The following FHIT variants were observed in gnomAD, a reference collection of about 807,000 sequenced individuals.
The protein encoded by FHIT is bis(5'-adenosyl)-triphosphatase.
A neutral mutation model predicts 17.9 loss-of-function variants in FHIT; 19 were observed. That is an observed-to-expected ratio of 1.06 (90% CI 0.74 to 1.56). The LOEUF is 1.56. Among genes scored for constraint, FHIT ranks in the 40% most tolerant of loss-of-function variants. FHIT has a pLI of 0.00. For synonymous variants in FHIT, 81 were observed against 69.7 expected, an observed-to-expected ratio of 1.16 and a Z score of -0.81; for missense variants, 248 against 189.2, an observed-to-expected ratio of 1.31 and a Z score of -1.82.
At chr3:60,479,715 G>C (rs147875037) in intron 5 of FHIT, among the ~76,000 whole-genome samples, 1 of 152,106 alleles carries the variant, frequency 6.6e-6, no homozygotes, top group Admixed American at 6.5e-5. Context: ...GATCAGAGTC[G>C]GTATTAGATT....
At chr3:59,925,223 C>T (rs554639134) in intron 7 of FHIT, among the ~76,000 whole-genome samples, 27 of 152,246 alleles carry the variant, frequency 1.8e-4, no homozygotes, top group Non-Finnish European at 8.8e-5. Flanking sequence ...CCTGCCTCAG[C>T]CTCCCAAATG....
rs1707276900 is a variant in FHIT at position 59,954,225 on chromosome 3, T to TTTTTG, written c.280-31812_280-31811insCAAAA. Among the ~76,000 whole-genome samples, 8 of 150,544 alleles carry TTTTTG rather than the reference T, an allele frequency of 5.3e-5. No homozygotes were observed. The South Asian group carries it at 1.7e-3, about 32-fold the overall frequency. ...TTTCAGAAGTTATTTTGTTCTGTTTTTTTTTCTTTTTTTTCCAAATGTGTG... is the reference window on the plus strand; with the variant it reads ...TTTCAGAAGTTATTTTGTTCTGTTTTTTTTGTTTTTCTTTTTTTTCCAAATGTGTG... On this transcript the variant is annotated intron_variant, in intron 7 of 9. Coordinates refer to ENST00000492590, the MANE Select transcript of FHIT (RefSeq NM_002012.4).
chr3:60,145,361 T>C (rs1019016744), intron 5 of FHIT, among the ~76,000 whole-genome samples: 1 of 152,234 alleles, frequency 6.6e-6, no homozygotes, highest in Non-Finnish European at 1.5e-5. Flanking sequence ...TTGTACATTA[T>C]TCTACTGATT....
intron 2 of FHIT, among the ~76,000 whole-genome samples, chr3:61,161,444 C>T (rs1311535814): frequency 2.0e-5 from 3 of 152,042 alleles, no homozygotes; most frequent in South Asian, 2.1e-4. Context: ...TTTCGTGATC[C>T]GCCCACCTTG....
intron 5 of FHIT, among the ~76,000 whole-genome samples, chr3:60,478,252 C>T (rs1224381802): frequency 6.6e-6 from 1 of 152,152 alleles, no homozygotes; most frequent in Admixed American, 6.6e-5. Flanking sequence ...AATTGGGAAC[C>T]AGGAATTAAC....
At chr3:60,357,044 G>A (rs1228292131) in intron 5 of FHIT, among the ~76,000 whole-genome samples, 1 of 152,102 alleles carries the variant, frequency 6.6e-6, no homozygotes, top group African/African-American at 2.4e-5. Context: ...AATACAGTCA[G>A]GTTCTAGTTC....
At chr3:60,949,713 T>C (rs1000319435) in intron 3 of FHIT, among the ~76,000 whole-genome samples, 5 of 152,194 alleles carry the variant, frequency 3.3e-5, no homozygotes, top group Non-Finnish European at 7.3e-5. Context: ...CTGGTTAAAG[T>C]GGGTACCTAA....
At chr3:60,428,493 C>A (rs1157022666) in intron 5 of FHIT, among the ~76,000 whole-genome samples, 3 of 152,134 alleles carry the variant, frequency 2.0e-5, no homozygotes, top group Admixed American at 2.0e-4. Context: ...CGTTTTGAGT[C>A]TGCATCCAGA....
chr3:60,766,089 C>G (rs1295603948), intron 4 of FHIT, among the ~76,000 whole-genome samples: 1 of 152,134 alleles, frequency 6.6e-6, no homozygotes, highest in Non-Finnish European at 1.5e-5. Flanking sequence ...TGGGACTTTG[C>G]CTTGTAATGG....
intron 1 of FHIT, among the ~76,000 whole-genome samples, chr3:61,211,916 G>A (rs1407915808): frequency 4.6e-5 from 7 of 152,204 alleles, no homozygotes; most frequent in Non-Finnish European, 1.0e-4. Context: ...TGGACCTCTA[G>A]CAAACTCCAA....
chr3:60,393,717 C>A (rs971866), intron 5 of FHIT, among the ~76,000 whole-genome samples: 15,236 of 152,078 alleles, frequency 0.1, 958 homozygotes, highest in East Asian at 0.16. Context: ...GATCTTACAT[C>A]TAAATATCTG....
intron 2 of FHIT, among the ~76,000 whole-genome samples, chr3:61,083,777 G>C (rs1317457163): frequency 6.6e-6 from 1 of 151,964 alleles, no homozygotes; most frequent in Non-Finnish European, 1.5e-5. Context: ...TTTGTGACTG[G>C]CTTCTTTCAC....
chr3:61,010,746 C>G (rs1019122156), intron 3 of FHIT, among the ~76,000 whole-genome samples: 3 of 152,178 alleles, frequency 2.0e-5, no homozygotes, highest in African/African-American at 7.2e-5. Context: ...ACCAGCTAAA[C>G]TGCACACAAA....
chr3:60,506,350 C>T (rs2107533610), intron 5 of FHIT, among the ~76,000 whole-genome samples: 1 of 152,272 alleles, frequency 6.6e-6, no homozygotes, highest in South Asian at 2.1e-4. Context: ...CTCCTGAACA[C>T]TGGTGCCTTT....
chr3:60,101,785 C>G (rs1457180620), intron 5 of FHIT, among the ~76,000 whole-genome samples: 1 of 152,166 alleles, frequency 6.6e-6, no homozygotes, highest in African/African-American at 2.4e-5. Context: ...ATTACCTGGG[C>G]CCCTGCCATC....
intron 7 of FHIT, among the ~76,000 whole-genome samples, chr3:59,967,674 T>C (rs1707989257): frequency 6.6e-6 from 1 of 152,178 alleles, no homozygotes; most frequent in Non-Finnish European, 1.5e-5. Context: ...AGAGCCAGCA[T>C]GGCTCCCAAA....
Position 59,752,298 on chromosome 3 carries a change from G to A in FHIT, c.372C>T (p.Asp124=), listed in dbSNP as rs1700957463. 1 of 1,612,460 alleles carries A rather than the reference G, an allele frequency of 6.2e-7. No individual in the cohort carries two copies. The highest frequency in any genetic ancestry group is 1.1e-5 in the South Asian group (1 of 90,998). The change falls in exon 9 of 10, where the codon GAC becomes GAT. Residue 124 remains aspartate, a synonymous_variant. Coordinates refer to ENST00000492590, the MANE Select transcript of FHIT (RefSeq NM_002012.4). ...CCTCTGATCTCCAAGAGGCAGGAAA[G>A]TCCTCCTTGTCATGTTTCTGGAGCT... The part of the protein sequence containing the change: ...YEELQKHDKE[D]FPASWRSEEE...
In FHIT at chr3:60,544,169, T is replaced by C. The variant is rs143873352; in HGVS notation, c.-17-7190A>G. ...TGTCATACTGCATTGGTCAGCTATG[T>C]GGTAATGTATTGAGAAGCAGAAGTA... On this transcript the variant is annotated intron_variant, in intron 4 of 9. Coordinates refer to ENST00000492590, the MANE Select transcript of FHIT (RefSeq NM_002012.4). 1.1e-3 allele frequency among the ~76,000 whole-genome samples: 164 copies of C among 152,030 alleles called. 3 individuals carry two copies. Among genetic ancestry groups the C allele is most frequent in the African/African-American group, 3.5e-3 (144 of 41,482 alleles).
chr3:59,925,786 G>T (rs1008604313), intron 7 of FHIT, among the ~76,000 whole-genome samples: 2 of 152,158 alleles, frequency 1.3e-5, no homozygotes, highest in East Asian at 3.8e-4. Context: ...GTGACAGGCT[G>T]ATCACACGAT....
Sources: allele counts gnomAD v4.1 joint callset (sites outside exome capture counted in the v4.1 genomes callset), GRCh38; gene constraint gnomAD v4.1.1; transcripts MANE v1.5; gene names NCBI Gene and HGNC (gene_info 2026-07-23, HGNC 2026-07-21).